LRRC69: variants seen among roughly 807,000 people sequenced by gnomAD.
The protein encoded by LRRC69 is leucine-rich repeat-containing protein 69.
LRRC69 carries 42 observed loss-of-function variants against 37.8 expected under a neutral mutation model. That is an observed-to-expected ratio of 1.11 (90% CI 0.87 to 1.44). The LOEUF is 1.44. Among genes scored for constraint, LRRC69 ranks in the 40% most tolerant of loss-of-function variants. LRRC69 has a pLI of 0.00. For synonymous variants in LRRC69, 141 were observed against 143.1 expected, an observed-to-expected ratio of 0.99 and a Z score of 0.11; for missense variants, 357 against 401.9, an observed-to-expected ratio of 0.89 and a Z score of 0.96.
chr8:91,202,572 G>A (rs1054764203), intron 7 of LRRC69, among the ~76,000 whole-genome samples: 1 of 152,172 alleles, frequency 6.6e-6, no homozygotes. Flanking sequence ...AGTGTTTCCA[G>A]GAAACTGTTC....
chr8:91,135,538 A>G (rs1247748548), intron 4 of LRRC69, 130 bp from the exon 5 acceptor site: 7 of 514,746 alleles, frequency 1.4e-5, no homozygotes, highest in Non-Finnish European at 2.4e-5. Context: ...TGTGCTGAAG[A>G]ATTGGTCAGT....
At chr8:91,183,108 G>A (rs1186743120) in intron 5 of LRRC69, among the ~76,000 whole-genome samples, 1 of 152,192 alleles carries the variant, frequency 6.6e-6, no homozygotes, top group Non-Finnish European at 1.5e-5. Flanking sequence ...TGTGACTGGG[G>A]CTCACAGATT....
chr8:91,177,279 T>G (rs551703666), intron 5 of LRRC69, among the ~76,000 whole-genome samples: 15 of 152,274 alleles, frequency 9.9e-5, no homozygotes, highest in African/African-American at 3.4e-4. Context: ...ATCAGAGTTT[T>G]AAGAGAAATT....
At position 91,135,744 on chromosome 8, in the gene LRRC69, G is replaced by C. The variant is rs1237896693; in HGVS notation, c.651+5G>C. 1.4e-6 allele frequency: 2 copies of C among 1,390,564 alleles called. No individual in the cohort carries two copies. The highest frequency in any genetic ancestry group is 1.9e-6 in the Non-Finnish European group (2 of 1,060,084). The allele number at this position is 1,390,564 out of a possible 1,614,324, so 86.1% of individuals were successfully genotyped here. On this transcript the variant is annotated splice_donor_5th_base_variant and intron_variant, in intron 5 of 7. Coordinates refer to ENST00000448384, the Ensembl canonical transcript of LRRC69. ...ATTCAGATATTTCCATCAGGAGTAA[G>C]TAGAGTCAACTTCCATTATAATTGA... is the stretch of plus-strand genomic sequence containing the variant.
At chr8:91,107,366 G>T (rs1254013186) in intron 1 of LRRC69, among the ~76,000 whole-genome samples, 1 of 151,668 alleles carries the variant, frequency 6.6e-6, no homozygotes, top group Non-Finnish European at 1.5e-5. Context: ...TTGAACTCCT[G>T]ACCTCAGATG....
chr8:91,166,495 A>G lies in LRRC69; in HGVS notation c.652-23027A>G, dbSNP rs1468478120. Among the ~76,000 whole-genome samples, 4 of 36,302 alleles carry G rather than the reference A, an allele frequency of 1.1e-4. No individual in the cohort carries two copies. In the East Asian group the frequency reaches 2.8e-3, roughly 26 times the overall value. The allele number at this position is 36,302 out of a possible 152,430, so 23.8% of individuals were successfully genotyped here. On this transcript the variant is annotated intron_variant, in intron 5 of 7. Coordinates refer to ENST00000448384, the Ensembl canonical transcript of LRRC69. ...AGAGGGGGTTGTAAAATAAACTGAA[A>G]AAAAAAAAAAAAAAAAAAAAACCTA... is the stretch of plus-strand genomic sequence containing the variant.
exon 2 of LRRC69, chr8:91,124,572 T>G: frequency 3.2e-6 from 5 of 1,540,720 alleles, no homozygotes; most frequent in Non-Finnish European, 4.4e-6. Context: ...CTGAAGAATC[T>G]CCATTTATCT....
intron 6 of LRRC69, among the ~76,000 whole-genome samples, chr8:91,191,325 T>G (rs1809492299): frequency 6.6e-6 from 1 of 152,196 alleles, no homozygotes; most frequent in South Asian, 2.1e-4. Context: ...TTTTATTCCC[T>G]TATAACTTAT....
chr8:91,216,326 A>ACAAG, intron 7 of LRRC69, among the ~76,000 whole-genome samples: 1 of 152,310 alleles, frequency 6.6e-6, no homozygotes, highest in South Asian at 2.1e-4. Flanking sequence ...TCCTAATGAC[A>ACAAG]CAAGGGAAAT....
intron 5 of LRRC69, among the ~76,000 whole-genome samples, chr8:91,154,335 T>G (rs961385448): frequency 6.6e-6 from 1 of 151,842 alleles, no homozygotes; most frequent in African/African-American, 2.4e-5. Flanking sequence ...TCTGAAACTA[T>G]TCCAAATAAT....
intron 5 of LRRC69, chr8:91,157,938 A>T: frequency 6.7e-7 from 1 of 1,483,756 alleles, no homozygotes; most frequent in East Asian, 2.3e-5. Flanking sequence ...CAGTATACTG[A>T]TTGCACGTTC....
intron 5 of LRRC69, among the ~76,000 whole-genome samples, chr8:91,144,107 C>G (rs1469273569): frequency 6.6e-6 from 1 of 151,888 alleles, no homozygotes; most frequent in Admixed American, 6.6e-5. Context: ...TGGCACATGA[C>G]AGATATTGAA....
intron 1 of LRRC69, among the ~76,000 whole-genome samples, chr8:91,118,730 G>T (rs555773349): frequency 6.6e-6 from 1 of 152,126 alleles, no homozygotes; most frequent in African/African-American, 2.4e-5. Flanking sequence ...AAGCTTTAAA[G>T]CTTATCAAAT....
chr8:91,148,139 A>T (rs1586246131), intron 5 of LRRC69, among the ~76,000 whole-genome samples: 1 of 151,398 alleles, frequency 6.6e-6, no homozygotes, highest in African/African-American at 2.4e-5. Context: ...CGTGCAGGTT[A>T]GTTACATATG....
chr8:91,109,679 C>T (rs1813378489), intron 1 of LRRC69, among the ~76,000 whole-genome samples: 1 of 151,884 alleles, frequency 6.6e-6, no homozygotes, highest in Admixed American at 6.6e-5. Context: ...TGACATTGAG[C>T]TTAACTTTGG....
chr8:91,196,340 G>C (rs938730490), intron 6 of LRRC69, among the ~76,000 whole-genome samples: 1 of 151,518 alleles, frequency 6.6e-6, no homozygotes, highest in African/African-American at 2.4e-5. Flanking sequence ...TGCTCTTCTC[G>C]AGGAGTATCT....
intron 5 of LRRC69, among the ~76,000 whole-genome samples, chr8:91,140,207 GATCT>G (rs1259006422): frequency 2.6e-5 from 4 of 151,536 alleles, no homozygotes; most frequent in Admixed American, 1.3e-4. Flanking sequence ...ATTTTGATCT[GATCT>G]ATCTATCATT....
chr8:91,136,551 G>A (rs1303180188), intron 5 of LRRC69, among the ~76,000 whole-genome samples: 2 of 151,874 alleles, frequency 1.3e-5, no homozygotes, highest in South Asian at 2.1e-4. Context: ...TACTTGTATA[G>A]TCCACGGTAC....
chr8:91,176,423 G>T (rs1163906629), intron 5 of LRRC69, among the ~76,000 whole-genome samples: 1 of 152,062 alleles, frequency 6.6e-6, no homozygotes, highest in Non-Finnish European at 1.5e-5. Context: ...GGAATTACAG[G>T]CATGAGCCAC....
Sources: gnomAD v4.1 joint callset for allele counts (sites outside exome capture counted in the v4.1 genomes callset) on GRCh38, gnomAD v4.1.1 for gene constraint, MANE v1.5 for transcripts, NCBI Gene and HGNC (gene_info 2026-07-23, HGNC 2026-07-21) for gene names.